The following CYTH3 variants were observed in gnomAD, a reference collection of about 807,000 sequenced individuals.
CYTH3 encodes cytohesin 3, also known as cytohesin-3.
Under a neutral mutation model 55.1 loss-of-function variants are expected in CYTH3, and 23 were observed. That is an observed-to-expected ratio of 0.42 (90% CI 0.30 to 0.59). The LOEUF (loss-of-function observed/expected upper bound fraction) is 0.59, where lower values mean the gene tolerates loss of function less well. CYTH3 is among the 20% of genes least tolerant of loss of function. The pLI is 0.20. For synonymous variants in CYTH3, 249 were observed against 194.9 expected (o/e 1.28, Z -2.31); for missense variants, 413 against 524.8 (o/e 0.79, Z 2.08).
At chr7:6,248,760 A>G (rs1291079482) in intron 1 of CYTH3, among the ~76,000 whole-genome samples, 1 of 152,220 alleles carries the variant, frequency 6.6e-6, no homozygotes, top group East Asian at 1.9e-4. Context: ...CCCTGCACTG[A>G]GTTCTAAGGA....
intron 1 of CYTH3, among the ~76,000 whole-genome samples, chr7:6,229,285 G>A (rs541890652): frequency 6.6e-6 from 1 of 152,236 alleles, no homozygotes; most frequent in African/African-American, 2.4e-5. Flanking sequence ...CAAAACATTT[G>A]TTTCTAGTTT....
rs954539396 is a variant in CYTH3 at position 6,170,807 on chromosome 7, C to T, written c.711+23G>A. ...AGCGAAGAGATCCTGCAGACGGCAG[C>T]GGCCGCGGGCCGGGGAGCTCACCCT... On this transcript the variant is annotated intron_variant, in intron 8 of 12. Transcript: ENST00000350796. This position sits in a 1 kb window ranked among gnomAD's most constrained non-coding sequence, Gnocchi z 7.8. 37 of 1,598,882 alleles carry T rather than the reference C, an allele frequency of 2.3e-5. No homozygotes were observed. The highest frequency in any genetic ancestry group is 2.7e-5 in the Non-Finnish European group (32 of 1,172,950).
At chr7:6,271,917 G>A (rs979524500) in intron 1 of CYTH3, among the ~76,000 whole-genome samples, 2 of 151,804 alleles carry the variant, frequency 1.3e-5, no homozygotes, top group Non-Finnish European at 2.9e-5. Flanking sequence ...CTCCCCGTTC[G>A]AGCAAATCCA....
chr7:6,209,364 G>C (rs1411345750), intron 1 of CYTH3, among the ~76,000 whole-genome samples: 2 of 152,208 alleles, frequency 1.3e-5, no homozygotes, highest in African/African-American at 4.8e-5. Flanking sequence ...CCTCAGTCAT[G>C]AAAAACTAGT....
rs543169201 is a variant in CYTH3 at position 6,164,163 on chromosome 7, C to A, written c.*781G>T. ...GCCCCCAAGTGCCATGGCCGTCCCTCCCCCAGCCCGTCCCGAGCCCACCTG... is the reference window on the plus strand; with the variant it reads ...GCCCCCAAGTGCCATGGCCGTCCCTACCCCAGCCCGTCCCGAGCCCACCTG... On this transcript the variant is annotated 3_prime_UTR_variant, in exon 13 of 13. Transcript: ENST00000350796. 20 of 152,598 alleles carry A rather than the reference C, an allele frequency of 1.3e-4. No individual in the cohort carries two copies. Among genetic ancestry groups the A allele is most frequent in the African/African-American group, 4.8e-4 (20 of 41,564 alleles). 9.5% of individuals were successfully genotyped at this position (152,598 alleles called of 1,614,324 possible).
At chr7:6,259,772 TTATATATATATAATATATATATATATA>T (rs1780258519) in intron 1 of CYTH3, among the ~76,000 whole-genome samples, 2 of 30,496 alleles carry the variant, frequency 6.6e-5, no homozygotes, top group Non-Finnish European at 9.1e-5. Context: ...TATATATATA[TTATATATATATAATATATATATATATA>T]TATATATATA....
intron 4 of CYTH3, among the ~76,000 whole-genome samples, chr7:6,182,466 A>G (rs527325791): frequency 6.6e-6 from 1 of 152,304 alleles, no homozygotes; most frequent in African/African-American, 2.4e-5. Context: ...CTTCTGCCTT[A>G]GCCTCCCAGT....
intron 1 of CYTH3, among the ~76,000 whole-genome samples, chr7:6,259,059 G>A (rs576073845): frequency 3.9e-5 from 6 of 152,128 alleles, no homozygotes; most frequent in Non-Finnish European, 7.4e-5. Context: ...TGTTTCATAC[G>A]TATCTGTCCA....
At chr7:6,209,176 G>A (rs553172795) in intron 1 of CYTH3, among the ~76,000 whole-genome samples, 38 of 152,350 alleles carry the variant, frequency 2.5e-4, no homozygotes, top group Admixed American at 1.8e-3. Context: ...TAGGCACAGC[G>A]TCTTTTACCT....
intron 1 of CYTH3, among the ~76,000 whole-genome samples, chr7:6,230,218 G>A (rs570329845): frequency 6.6e-5 from 10 of 152,270 alleles, no homozygotes; most frequent in South Asian, 2.1e-4. Flanking sequence ...AACTCAGTCC[G>A]AATGGAAAGT....
At position 6,187,075 on chromosome 7, in the gene CYTH3, T is replaced by C; in HGVS notation, c.224A>G (p.Lys75Arg). Residue 75 changes from lysine to arginine, a missense_variant, in exon 4 of 13, where the codon AAG becomes AGG. Coordinates refer to ENST00000350796, the MANE Select transcript of CYTH3 (RefSeq NM_004227.4). ...QRNKQIAMGR[K>R]KFNMDPKKGI... ...CTTTTTGGGATCCATGTTGAATTTC[T>C]TTCTTCCCATGGCTATCTGTTTGTT... 1 of 1,614,234 alleles carries C rather than the reference T, an allele frequency of 6.2e-7. No individual in the cohort carries two copies. Among genetic ancestry groups the C allele is most frequent in the Non-Finnish European group, 8.5e-7 (1 of 1,180,034 alleles).
chr7:6,203,468 G>A (rs1025119615), intron 1 of CYTH3, among the ~76,000 whole-genome samples: 1 of 152,134 alleles, frequency 6.6e-6, no homozygotes, highest in African/African-American at 2.4e-5. Context: ...CATTGCCACA[G>A]ATTATTCATT....
intron 1 of CYTH3, among the ~76,000 whole-genome samples, chr7:6,253,812 TC>T (rs1261231889): frequency 6.8e-6 from 1 of 147,414 alleles, no homozygotes; most frequent in African/African-American, 2.5e-5. Flanking sequence ...TGAGATGCTG[TC>T]TCAAAAATAA....
chr7:6,242,327 C>T (rs183933644), intron 1 of CYTH3, among the ~76,000 whole-genome samples: 8 of 151,348 alleles, frequency 5.3e-5, no homozygotes, highest in Admixed American at 4.0e-4. Flanking sequence ...CCACCCGCCT[C>T]GGCCTCCCAA....
chr7:6,246,103 GAC>G (rs1779807961), intron 1 of CYTH3, among the ~76,000 whole-genome samples: 1 of 151,488 alleles, frequency 6.6e-6, no homozygotes, highest in African/African-American at 2.4e-5. Flanking sequence ...ACTTTTTTGA[GAC>G]AGTCTTGCTC....
At chr7:6,183,790 G>A (rs985619751) in intron 4 of CYTH3, among the ~76,000 whole-genome samples, 1 of 152,226 alleles carries the variant, frequency 6.6e-6, no homozygotes, top group Admixed American at 6.5e-5. Flanking sequence ...GCTATCTGGA[G>A]ACGGGGTCTT....
chr7:6,256,994 GTATACAGTTTAACCAC>G (rs1197408362), intron 1 of CYTH3, among the ~76,000 whole-genome samples: 1 of 152,208 alleles, frequency 6.6e-6, no homozygotes, highest in African/African-American at 2.4e-5. Flanking sequence ...CATCTGACTA[GTATACAGTTTAACCAC>G]TACTTTGAAC....
Position 6,162,290 on chromosome 7 carries a change from T to C in CYTH3, c.*2654A>G, listed in dbSNP as rs1376011793. ...AACCAGGGCGGCCAGCAAGACAGGC[T>C]GGAAGGGCTGTGGCAGTCGCCGCCG... On this transcript the variant is annotated 3_prime_UTR_variant, in exon 13 of 13. Transcript: ENST00000350796. 6.6e-6 allele frequency: 1 copy of C among 152,260 alleles called. No homozygotes were observed. The highest frequency in any genetic ancestry group is 1.5e-5 in the Non-Finnish European group (1 of 68,046). 9.4% of individuals were successfully genotyped at this position (152,260 alleles called of 1,614,324 possible). A position where few individuals can be genotyped will look rare whatever the true frequency, so the allele number is the denominator to read the frequency against.
chr7:6,175,205 C>CT (rs1342964047), intron 5 of CYTH3, among the ~76,000 whole-genome samples: 3 of 152,048 alleles, frequency 2.0e-5, no homozygotes, highest in Non-Finnish European at 4.4e-5. Flanking sequence ...GTCTTTTTAC[C>CT]TTTTTTTCAG....
Sources: allele counts gnomAD v4.1 joint callset (sites outside exome capture counted in the v4.1 genomes callset), GRCh38; gene constraint gnomAD v4.1.1; non-coding constraint Gnocchi (gnomAD v3.1); transcripts MANE v1.5; gene names NCBI Gene and HGNC (gene_info 2026-07-23, HGNC 2026-07-21).